The following SCHIP1 variants were observed in gnomAD, a reference collection of about 807,000 sequenced individuals.
SCHIP1 encodes the protein schwannomin-interacting protein 1.
SCHIP1 carries 8 observed loss-of-function variants against 29.7 expected under a neutral mutation model. That is an observed-to-expected ratio of 0.27 (90% CI 0.16 to 0.49). The LOEUF (loss-of-function observed/expected upper bound fraction) is 0.49. SCHIP1 is among the 20% of genes least tolerant of loss of function. SCHIP1 has a pLI of 0.99. For synonymous variants in SCHIP1, 76 were observed against 94.9 expected, an observed-to-expected ratio of 0.80 and a Z score of 1.16; for missense variants, 193 against 294.6, an observed-to-expected ratio of 0.66 and a Z score of 2.52.
chr3:159,816,781 A>G, the SCHIP1 span, among the ~76,000 whole-genome samples: 1 of 152,166 alleles, frequency 6.6e-6, no homozygotes, highest in Non-Finnish European at 1.5e-5. Flanking sequence ...CAGTCTGCTG[A>G]CCTGCCTAAC....
At chr3:159,649,302 C>A in the SCHIP1 span, among the ~76,000 whole-genome samples, 1 of 152,100 alleles carries the variant, frequency 6.6e-6, no homozygotes, top group Non-Finnish European at 1.5e-5. Context: ...CTCTCTACCC[C>A]AAAAGTGCTC....
chr3:159,290,979 T>C, the SCHIP1 span, among the ~76,000 whole-genome samples: 3 of 152,080 alleles, frequency 2.0e-5, no homozygotes, highest in African/African-American at 4.8e-5. Context: ...TTAGTTCTTT[T>C]CCATGAAAAA....
the SCHIP1 span, among the ~76,000 whole-genome samples, chr3:159,666,500 C>A: frequency 4.0e-3 from 606 of 152,162 alleles, 8 homozygotes; most frequent in African/African-American, 0.014. Flanking sequence ...TGTTACAAAT[C>A]TGAGGTGGTT....
the SCHIP1 span, among the ~76,000 whole-genome samples, chr3:159,613,089 C>T: frequency 6.6e-6 from 1 of 152,144 alleles, no homozygotes; most frequent in Admixed American, 6.5e-5. Context: ...GACAATTACT[C>T]ATATAAATGA....
the SCHIP1 span, among the ~76,000 whole-genome samples, chr3:159,440,693 C>T: frequency 6.6e-6 from 1 of 152,134 alleles, no homozygotes; most frequent in Non-Finnish European, 1.5e-5. Context: ...TATGGCCATA[C>T]TTTCCACGTC....
the SCHIP1 span, among the ~76,000 whole-genome samples, chr3:159,647,647 C>T: frequency 7.2e-5 from 11 of 152,222 alleles, no homozygotes; most frequent in Admixed American, 6.5e-4. Context: ...AAGCCATTAT[C>T]GCTAATATTC....
At chr3:159,626,403 T>C in the SCHIP1 span, among the ~76,000 whole-genome samples, 1 of 151,608 alleles carries the variant, frequency 6.6e-6, no homozygotes, top group African/African-American at 2.4e-5. Context: ...AGGGGCTATA[T>C]CACTTACAGC....
At chr3:159,549,290 T>C in the SCHIP1 span, among the ~76,000 whole-genome samples, 1 of 152,182 alleles carries the variant, frequency 6.6e-6, no homozygotes, top group African/African-American at 2.4e-5. Flanking sequence ...TCTCTGATTC[T>C]TCAGGCAAAG....
At chr3:159,380,169 A>G in the SCHIP1 span, among the ~76,000 whole-genome samples, 2 of 152,176 alleles carry the variant, frequency 1.3e-5, no homozygotes, top group Non-Finnish European at 2.9e-5. Context: ...AAGTTCTTTC[A>G]TTGAAAAAAC....
At chr3:159,446,734 G>C in the SCHIP1 span, among the ~76,000 whole-genome samples, 1 of 152,172 alleles carries the variant, frequency 6.6e-6, no homozygotes, top group African/African-American at 2.4e-5. Flanking sequence ...TCTCAATACT[G>C]TCAACTGGGA....
the SCHIP1 span, among the ~76,000 whole-genome samples, chr3:159,477,399 T>C: frequency 6.6e-6 from 1 of 152,228 alleles, no homozygotes; most frequent in Admixed American, 6.5e-5. Context: ...ACATTCCCAC[T>C]GGCAACATAC....
the SCHIP1 span, among the ~76,000 whole-genome samples, chr3:159,433,903 C>T: frequency 2.6e-5 from 4 of 152,100 alleles, no homozygotes; most frequent in Admixed American, 2.6e-4. Context: ...AAACACCTGT[C>T]CCCATTACAG....
At chr3:159,662,484 T>C in the SCHIP1 span, among the ~76,000 whole-genome samples, 2 of 152,256 alleles carry the variant, frequency 1.3e-5, 1 homozygote, top group South Asian at 4.1e-4. Context: ...CCTATTGGGT[T>C]CTACACCCAG....
the SCHIP1 span, among the ~76,000 whole-genome samples, chr3:159,603,772 G>T: frequency 6.6e-6 from 1 of 152,046 alleles, no homozygotes; most frequent in African/African-American, 2.4e-5. Context: ...ATAAAGAAAA[G>T]AAATTTATTT....
At chr3:159,395,888 T>C in the SCHIP1 span, among the ~76,000 whole-genome samples, 18 of 151,960 alleles carry the variant, frequency 1.2e-4, no homozygotes, top group African/African-American at 2.4e-4. Context: ...TGACTTTCTG[T>C]CTCATTGATC....
At chr3:159,842,727 G>A (rs1038474769) in intron 1 of SCHIP1, among the ~76,000 whole-genome samples, 3 of 80,612 alleles carry the variant, frequency 3.7e-5, no homozygotes, top group South Asian at 4.5e-4. Context: ...CCCCCTCCCC[G>A]CCCCACTGTG....
chr3:159,565,035 A>G, the SCHIP1 span, among the ~76,000 whole-genome samples: 2 of 152,218 alleles, frequency 1.3e-5, no homozygotes, highest in Admixed American at 6.5e-5. Context: ...ATCATTTCAA[A>G]TAGTTTTACA....
chr3:159,599,814 G>A, the SCHIP1 span, among the ~76,000 whole-genome samples: 4 of 152,096 alleles, frequency 2.6e-5, no homozygotes, highest in African/African-American at 7.2e-5. Flanking sequence ...TTTCATCAGC[G>A]AGTTTTATGC....
the SCHIP1 span, among the ~76,000 whole-genome samples, chr3:159,334,199 C>T: frequency 1.3e-5 from 2 of 152,238 alleles, no homozygotes; most frequent in South Asian, 4.1e-4. Context: ...TCCAAATTGA[C>T]CTGACAGATC....
Sources: gnomAD v4.1 joint callset for allele counts (sites outside exome capture counted in the v4.1 genomes callset) on GRCh38, gnomAD v4.1.1 for gene constraint, MANE v1.5 for transcripts, NCBI Gene and HGNC (gene_info 2026-07-23, HGNC 2026-07-21) for gene names.